The following LRRTM4 variants were observed in gnomAD, a reference collection of about 807,000 sequenced individuals.
The protein encoded by LRRTM4 is leucine-rich repeat transmembrane neuronal protein 4.
A neutral mutation model predicts 47.6 loss-of-function variants in LRRTM4; 25 were observed. The observed-to-expected ratio is 0.53, with a 90% confidence interval of 0.38 to 0.73. The LOEUF (loss-of-function observed/expected upper bound fraction) is 0.73, where lower values mean the gene tolerates loss of function less well. Among genes scored for constraint, LRRTM4 ranks in the 30% least tolerant of loss-of-function variants. The probability of loss-of-function intolerance (pLI) is 0.00; values close to 1 mark genes in which losing one functional copy is unlikely to be tolerated. For synonymous variants in LRRTM4, 311 were observed against 269.5 expected (o/e 1.15, Z -1.51); for missense variants, 638 against 713.4 (o/e 0.89, Z 1.20).
At chr2:77,325,991 T>C (rs1670758249) in intron 3 of LRRTM4, among the ~76,000 whole-genome samples, 2 of 152,156 alleles carry the variant, frequency 1.3e-5, no homozygotes, top group Non-Finnish European at 2.9e-5. Context: ...AGGAAGGTAA[T>C]TTTCTGACCT....
chr2:76,860,524 G>A (rs1672282769), intron 3 of LRRTM4, among the ~76,000 whole-genome samples: 1 of 152,008 alleles, frequency 6.6e-6, no homozygotes, highest in Non-Finnish European at 1.5e-5. Context: ...TTAGATGAAG[G>A]TTTGTCCTTC....
intron 3 of LRRTM4, among the ~76,000 whole-genome samples, chr2:77,150,306 G>C (rs1334614610): frequency 6.6e-6 from 1 of 152,060 alleles, no homozygotes; most frequent in Non-Finnish European, 1.5e-5. Flanking sequence ...ATGTCACCAA[G>C]AAAATTCTAT....
chr2:76,912,479 T>A (rs951341017), intron 3 of LRRTM4, among the ~76,000 whole-genome samples: 2 of 152,300 alleles, frequency 1.3e-5, no homozygotes, highest in Middle Eastern at 3.4e-3. Context: ...TTTCTTAGAA[T>A]AAATTCTTAG....
At chr2:77,313,301 G>A (rs1253227563) in intron 3 of LRRTM4, among the ~76,000 whole-genome samples, 2 of 143,126 alleles carry the variant, frequency 1.4e-5, no homozygotes, top group African/African-American at 2.6e-5. Flanking sequence ...ACTTTTCCTG[G>A]GACCTGGTGC....
intron 3 of LRRTM4, among the ~76,000 whole-genome samples, chr2:77,284,588 C>T (rs1219817851): frequency 6.6e-6 from 1 of 151,950 alleles, no homozygotes; most frequent in African/African-American, 2.4e-5. Flanking sequence ...TAGTATTTCC[C>T]AGTCAGATGG....
chr2:77,412,113 A>G (rs1246292959), intron 3 of LRRTM4, among the ~76,000 whole-genome samples: 2 of 151,998 alleles, frequency 1.3e-5, no homozygotes, highest in Non-Finnish European at 2.9e-5. Context: ...TCTACCTTTG[A>G]TTTGCATTAT....
At chr2:77,053,716 A>G (rs927232157) in intron 3 of LRRTM4, among the ~76,000 whole-genome samples, 14 of 152,290 alleles carry the variant, frequency 9.2e-5, no homozygotes, top group African/African-American at 3.4e-4. Context: ...ACATAAAAGG[A>G]ACATTGGGTA....
At chr2:77,025,385 T>C (rs572847949) in intron 3 of LRRTM4, among the ~76,000 whole-genome samples, 81 of 152,280 alleles carry the variant, frequency 5.3e-4, no homozygotes, top group Non-Finnish European at 1.0e-3. Flanking sequence ...GGAAAAATCT[T>C]GGAGGAGGTC....
intron 3 of LRRTM4, among the ~76,000 whole-genome samples, chr2:77,156,979 T>C (rs1488556838): frequency 6.6e-6 from 1 of 152,116 alleles, no homozygotes; most frequent in Non-Finnish European, 1.5e-5. Flanking sequence ...CCTTTGTTAC[T>C]ATTCAACTAA....
At chr2:77,269,284 G>A (rs116364228) in intron 3 of LRRTM4, among the ~76,000 whole-genome samples, 2,234 of 151,836 alleles carry the variant, frequency 0.015, 64 homozygotes, top group African/African-American at 0.051. Context: ...ATTTCCCTAC[G>A]TAGATATTAC....
intron 3 of LRRTM4, among the ~76,000 whole-genome samples, chr2:76,984,846 A>G (rs965459433): frequency 6.6e-6 from 1 of 152,044 alleles, no homozygotes; most frequent in Non-Finnish European, 1.5e-5. Flanking sequence ...ACTCAAGTTA[A>G]CATGATGAAA....
At chr2:76,873,388 AATAT>A (rs1237391513) in intron 3 of LRRTM4, among the ~76,000 whole-genome samples, 1 of 151,050 alleles carries the variant, frequency 6.6e-6, no homozygotes, top group Non-Finnish European at 1.5e-5. Flanking sequence ...ACATTATATA[AATAT>A]ATAGTCTGTA....
chr2:76,816,546 TTTTA>T (rs1670900570), intron 3 of LRRTM4, among the ~76,000 whole-genome samples: 3 of 151,998 alleles, frequency 2.0e-5, no homozygotes, highest in Non-Finnish European at 2.9e-5. Flanking sequence ...GAATCTGTAT[TTTTA>T]TTTATTTTTT....
chr2:76,918,819 T>C (rs1006333258), intron 3 of LRRTM4, among the ~76,000 whole-genome samples: 8 of 152,106 alleles, frequency 5.3e-5, no homozygotes, highest in Non-Finnish European at 8.8e-5. Context: ...CTTAGAAAGA[T>C]TTCCCTCTGT....
intron 3 of LRRTM4, among the ~76,000 whole-genome samples, chr2:76,885,711 C>T (rs1290946843): frequency 3.3e-5 from 5 of 151,974 alleles, no homozygotes; most frequent in East Asian, 1.9e-4. Context: ...GTGATCCGCC[C>T]GCCTCGGCCT....
At chr2:76,786,659 T>C (rs1674690560) in intron 3 of LRRTM4, among the ~76,000 whole-genome samples, 1 of 152,108 alleles carries the variant, frequency 6.6e-6, no homozygotes, top group Non-Finnish European at 1.5e-5. Flanking sequence ...GAGGTACAGA[T>C]GCATTCAGAC....
intron 3 of LRRTM4, chr2:76,987,288 C>T (rs1282188592): frequency 6.6e-6 from 1 of 151,850 alleles, no homozygotes; most frequent in East Asian, 1.9e-4. Flanking sequence ...ACCCAAACTT[C>T]ACCTGGTGAC....
intron 3 of LRRTM4, among the ~76,000 whole-genome samples, chr2:77,245,517 CAAAAAAAAAAA>C (rs770133274): frequency 1.2e-5 from 1 of 86,460 alleles, no homozygotes; most frequent in Non-Finnish European, 2.6e-5. Context: ...GACACTGCCT[CAAAAAAAAAAA>C]AAAAAAAAAA....
At chr2:77,061,039 A>G (rs1437373524) in intron 3 of LRRTM4, among the ~76,000 whole-genome samples, 1 of 152,142 alleles carries the variant, frequency 6.6e-6, no homozygotes, top group African/African-American at 2.4e-5. Context: ...GGAGTAAAAA[A>G]TATCAATTCC....
Sources: gnomAD v4.1 joint callset for allele counts (sites outside exome capture counted in the v4.1 genomes callset) on GRCh38, gnomAD v4.1.1 for gene constraint, MANE v1.5 for transcripts, NCBI Gene and HGNC (gene_info 2026-07-23, HGNC 2026-07-21) for gene names.